FGF13: variants seen among roughly 807,000 people sequenced by gnomAD.
FGF13 encodes the protein fibroblast growth factor homologous factor 2.
FGF13 carries 2 observed loss-of-function variants against 19.5 expected under a neutral mutation model. That is an observed-to-expected ratio of 0.10 (90% confidence interval 0.04 to 0.32). FGF13 has a LOEUF of 0.32. Among genes scored for constraint, FGF13 ranks in the 10% least tolerant of loss-of-function variants. The probability of loss-of-function intolerance (pLI) is 1.00; values close to 1 mark genes in which losing one functional copy is unlikely to be tolerated. For synonymous variants in FGF13, 72 were observed against 76.9 expected (o/e 0.94, Z 0.33); for missense variants, 113 against 192.7 (o/e 0.59, Z 2.45).
chrX:138,883,123 C>G (rs781331806), intron 1 of FGF13, among the ~76,000 whole-genome samples: 1 of 112,357 alleles, frequency 8.9e-6, no homozygotes, highest in Non-Finnish European at 1.9e-5. Flanking sequence ...TCAGCTTCAA[C>G]AAAGAAGTTT....
chrX:139,174,298 G>A (rs184812261), intron 1 of FGF13, among the ~76,000 whole-genome samples: 1 of 112,194 alleles, frequency 8.9e-6, no homozygotes, highest in Non-Finnish European at 1.9e-5. Context: ...GATTCTGGAT[G>A]TTAGCTCTTT....
In FGF13 at chrX:139,082,866, T is replaced by C. The variant is rs535137939; in HGVS notation, c.-113+120550A>G. Reference sequence around the variant, plus strand: ...CAATTACATGATAATATAATATAGGTCTATTTGTTTACTGTCTGTCTCCCT... The same window carrying C: ...CAATTACATGATAATATAATATAGGCCTATTTGTTTACTGTCTGTCTCCCT... On this transcript the variant is annotated intron_variant, in intron 1 of 2. Transcript: ENST00000421460. Among the ~76,000 whole-genome samples, 23 of 111,814 alleles carry C rather than the reference T, an allele frequency of 2.1e-4. No individual in the cohort carries two copies. The South Asian group carries it at 7.9e-3, about 38-fold the overall frequency.
chrX:139,028,580 AGC>A (rs2092209878), intron 1 of FGF13, among the ~76,000 whole-genome samples: 1 of 26,839 alleles, frequency 3.7e-5, no homozygotes, highest in African/African-American at 9.8e-5. Context: ...AGGGAGAGAG[AGC>A]GTGTGTGTGT....
chrX:139,126,907 C>A (rs958955560), intron 1 of FGF13, among the ~76,000 whole-genome samples: 1 of 111,817 alleles, frequency 8.9e-6, no homozygotes, highest in East Asian at 2.8e-4. Flanking sequence ...AAAGGGCTTA[C>A]CTCCTTCATT....
intron 3 of FGF13, among the ~76,000 whole-genome samples, chrX:138,636,286 C>T (rs1288169576): frequency 9.0e-6 from 1 of 111,666 alleles, no homozygotes; most frequent in Non-Finnish European, 1.9e-5. Flanking sequence ...CATTTACATG[C>T]AAATCAATAC....
At chrX:139,122,228 G>C (rs1778550288) in intron 1 of FGF13, among the ~76,000 whole-genome samples, 1 of 111,909 alleles carries the variant, frequency 8.9e-6, no homozygotes. Flanking sequence ...ATAAAAGACA[G>C]GATTAATACA....
rs187043415 is a variant in FGF13 at position 138,910,366 on chromosome X, G to T, written c.-112-45716C>A. Among the ~76,000 whole-genome samples, 355 of 110,840 alleles carry T rather than the reference G, an allele frequency of 3.2e-3. 1 individual carries two copies. The highest frequency in any genetic ancestry group is 0.011 in the African/African-American group (335 of 30,469). On this transcript the variant is annotated intron_variant, in intron 1 of 2. Transcript: ENST00000421460. ...ATTAGTTTAGCCTAGAGGTGACATT[G>T]GTACCTTGGTACTGTTGTGGTCAAA...
chrX:138,748,016 C>T (rs2090368307), intron 3 of FGF13, among the ~76,000 whole-genome samples: 2 of 110,739 alleles, frequency 1.8e-5, no homozygotes, highest in Admixed American at 1.9e-4. Flanking sequence ...ATTCAAATAC[C>T]GTTTCTCAAG....
At chrX:138,984,579 A>G (rs866894683) in intron 1 of FGF13, among the ~76,000 whole-genome samples, 5 of 49,466 alleles carry the variant, frequency 1.0e-4, no homozygotes, top group Non-Finnish European at 1.5e-4. Flanking sequence ...GAAGAAGAAG[A>G]AGAAGAAGAA....
intron 1 of FGF13, among the ~76,000 whole-genome samples, chrX:138,966,304 C>T (rs1394868369): frequency 8.9e-6 from 1 of 112,260 alleles, no homozygotes; most frequent in African/African-American, 3.2e-5. Context: ...GCCACAGACA[C>T]TCAATGCCAG....
chrX:139,194,328 C>T (rs192868528), intron 1 of FGF13, among the ~76,000 whole-genome samples: 3 of 111,904 alleles, frequency 2.7e-5, no homozygotes, highest in Non-Finnish European at 5.6e-5. Flanking sequence ...GGTAGTGGAA[C>T]CTTGGGTGAT....
At position 138,631,315 on chromosome X, in the gene FGF13, G is replaced by GA. The variant is rs1347238711; in HGVS notation, c.*1534dup. The GA allele has an allele frequency of 8.9e-6, 1 of 112,309 alleles. No homozygotes were observed. Among genetic ancestry groups the GA allele is most frequent in the Non-Finnish European group, 1.9e-5 (1 of 53,285 alleles). 9.3% of individuals were successfully genotyped at this position (112,309 alleles called of 1,213,427 possible). On this transcript the variant is annotated 3_prime_UTR_variant, in exon 5 of 5. Transcript: ENST00000315930. ...GGGAAATGACACTGTGAGTGGCAGAGAAAATACTAGCACAAACGCCTCATT... is the reference window on the plus strand; with the variant it reads ...GGGAAATGACACTGTGAGTGGCAGAGAAAAATACTAGCACAAACGCCTCATT...
At position 138,739,337 on chromosome X, in the gene FGF13, G is replaced by A; in HGVS notation, c.-68C>T. 7 of 1,142,478 alleles carry A rather than the reference G, an allele frequency of 6.1e-6. No homozygotes were observed. In the Admixed American group the frequency reaches 9.8e-5, roughly 16 times the overall value. 94.2% of individuals were successfully genotyped at this position (1,142,478 alleles called of 1,213,427 possible). On this transcript the variant is annotated 5_prime_UTR_variant, in exon 1 of 5. Transcript: ENST00000305414. ...ATTTGGAGCAGACACAGAGAGAGAG[G>A]AGATCAGAGAAAGTTTAAGGCATAT...
At chrX:138,894,647 T>A (rs771892284) in intron 1 of FGF13, among the ~76,000 whole-genome samples, 1 of 110,769 alleles carries the variant, frequency 9.0e-6, no homozygotes, top group African/African-American at 3.3e-5. Context: ...TAACAGGTTC[T>A]GAAACTGAAG....
In FGF13 at chrX:138,902,022, A is replaced by G. The variant is rs189685408; in HGVS notation, c.-112-37372T>C. ...TGGGAGATCAAAGTTAAAACACTCT[A>G]AGTTCCTTACAAGTATTGGGAGGAG... On this transcript the variant is annotated intron_variant, in intron 1 of 2. Coordinates refer to the FGF13 transcript ENST00000421460. Among the ~76,000 whole-genome samples the G allele has an allele frequency of 7.9e-4, 89 of 112,578 alleles. 1 individual carries two copies. Among genetic ancestry groups the G allele is most frequent in the Non-Finnish European group, 1.4e-3 (76 of 53,266 alleles).
chrX:138,920,179 T>C (rs2091637618), intron 1 of FGF13, among the ~76,000 whole-genome samples: 1 of 111,109 alleles, frequency 9.0e-6, no homozygotes, highest in East Asian at 2.8e-4. Flanking sequence ...AGTTAAATAA[T>C]AATAGTAATA....
chrX:138,776,952 G>A (rs55956321), intron 3 of FGF13, among the ~76,000 whole-genome samples: 1 of 111,632 alleles, frequency 9.0e-6, no homozygotes, highest in South Asian at 3.8e-4. Context: ...ACAACTAGAG[G>A]AAAACTCTGT....
At position 138,858,671 on chromosome X, in the gene FGF13, C is replaced by T. The variant is rs767225372; in HGVS notation, c.-38-992G>A. 2.3e-4 allele frequency among the ~76,000 whole-genome samples: 25 copies of T among 110,932 alleles called. 1 individual carries two copies. Among genetic ancestry groups the T allele is most frequent in the Admixed American group, 2.1e-3 (22 of 10,397 alleles). On this transcript the variant is annotated intron_variant, in intron 2 of 2. Coordinates refer to the FGF13 transcript ENST00000421460. ...TGACGAGCTGACTCATTCTACTACC[C>T]GAAATGCATACACTTAACACGCATG...
intron 1 of FGF13, among the ~76,000 whole-genome samples, chrX:139,174,253 GT>G (rs1247647021): frequency 8.9e-6 from 1 of 111,978 alleles, no homozygotes; most frequent in African/African-American, 3.2e-5. Flanking sequence ...GGAGTTGTTT[GT>G]TTTCATCTTG....
Sources: allele counts gnomAD v4.1 joint callset (sites outside exome capture counted in the v4.1 genomes callset), GRCh38; gene constraint gnomAD v4.1.1; transcripts MANE v1.5; gene names NCBI Gene and HGNC (gene_info 2026-07-23, HGNC 2026-07-21).